The following LAMA2 variants were observed in gnomAD, a reference collection of about 807,000 sequenced individuals.
LAMA2 encodes laminin subunit alpha-2.
A neutral mutation model predicts 364.8 loss-of-function variants in LAMA2; 269 were observed. The ratio of observed to expected loss-of-function variants is 0.74; its 90% CI spans 0.67 to 0.82. The LOEUF (loss-of-function observed/expected upper bound fraction) is 0.82. LAMA2 is among the 40% of genes least tolerant of loss of function. The pLI is 0.00. For synonymous variants in LAMA2, 1,379 were observed against 1,370.6 expected (o/e 1.01, Z -0.14); for missense variants, 3,807 against 3,873.2 (o/e 0.98, Z 0.45).
intron 12 of LAMA2, among the ~76,000 whole-genome samples, chr6:129,213,564 G>A (rs1441173458): frequency 6.6e-6 from 1 of 152,108 alleles, no homozygotes; most frequent in Non-Finnish European, 1.5e-5. Context: ...TTAGACATCA[G>A]CTATTCTAAT....
chr6:129,199,804 T>C (rs1044741257), intron 12 of LAMA2, among the ~76,000 whole-genome samples: 1 of 151,820 alleles, frequency 6.6e-6, no homozygotes, highest in Non-Finnish European at 1.5e-5. Flanking sequence ...ATAGATGGGG[T>C]GCGATGGCTC....
At chr6:129,146,051 A>T (rs192737977) in intron 5 of LAMA2, among the ~76,000 whole-genome samples, 9 of 152,120 alleles carry the variant, frequency 5.9e-5, no homozygotes, top group Admixed American at 5.9e-4. Context: ...ATATGTATGT[A>T]ACAAAAACAA....
rs1032623933 is a variant in LAMA2, at chr6:129,274,610, G to A, written c.2450+3859G>A. On this transcript the variant is annotated intron_variant, in intron 17 of 64. Coordinates refer to ENST00000421865, the MANE Select transcript of LAMA2 (RefSeq NM_000426.4). ...TATGTAAGAAGATAGAGATAGATTG[G>A]TATAATTATTATGATGTATGAATAC... is the stretch of plus-strand genomic sequence containing the variant. Among the ~76,000 whole-genome samples, 8 of 151,894 alleles carry A rather than the reference G, an allele frequency of 5.3e-5. No homozygotes were observed. In the South Asian group the frequency reaches 1.5e-3, roughly 28 times the overall value.
chr6:129,487,522 A>G (rs899230525), intron 56 of LAMA2, among the ~76,000 whole-genome samples: 1 of 152,190 alleles, frequency 6.6e-6, no homozygotes. Flanking sequence ...TGAGGCCTCA[A>G]AACACAGAGG....
chr6:129,329,370 T>TC (rs1775489607), intron 29 of LAMA2, among the ~76,000 whole-genome samples: 1 of 152,028 alleles, frequency 6.6e-6, no homozygotes, highest in African/African-American at 2.4e-5. Context: ...CTTTTTGTTT[T>TC]TTTTTTCCCC....
chr6:129,404,081 C>T, intron 40 of LAMA2, 122 bp downstream of exon 40: 1 of 1,093,006 alleles, frequency 9.1e-7, no homozygotes, highest in South Asian at 1.4e-5. Flanking sequence ...TTTTGAAGAC[C>T]TCTTTTAAAA....
At chr6:128,891,707 CTGTT>C (rs1776461577) in intron 1 of LAMA2, among the ~76,000 whole-genome samples, 1 of 152,162 alleles carries the variant, frequency 6.6e-6, no homozygotes, top group South Asian at 2.1e-4. Flanking sequence ...TCAGTTGAGA[CTGTT>C]TGTGAAGGAA....
At chr6:129,092,103 C>G (rs1238326510) in intron 3 of LAMA2, among the ~76,000 whole-genome samples, 7 of 152,176 alleles carry the variant, frequency 4.6e-5, no homozygotes, top group Non-Finnish European at 7.3e-5. Context: ...CGGTGAGGTT[C>G]TAGACTTCTG....
intron 12 of LAMA2, among the ~76,000 whole-genome samples, chr6:129,221,118 A>T (rs265346): frequency 6.6e-6 from 1 of 150,398 alleles, no homozygotes; most frequent in Non-Finnish European, 1.5e-5. Context: ...AGCCAAGATC[A>T]CACCACTGCA....
intron 1 of LAMA2, among the ~76,000 whole-genome samples, chr6:128,951,804 AC>A (rs1453792752): frequency 6.6e-5 from 10 of 152,258 alleles, no homozygotes; most frequent in Middle Eastern, 3.4e-3. Context: ...AAACTTTTCT[AC>A]CCTTTTTATT....
intron 1 of LAMA2, among the ~76,000 whole-genome samples, chr6:128,978,998 G>A (rs1000140116): frequency 4.6e-5 from 7 of 152,120 alleles, no homozygotes; most frequent in Admixed American, 3.9e-4. Context: ...TTGAGGAAGG[G>A]ATCAGAGCAT....
intron 30 of LAMA2, among the ~76,000 whole-genome samples, chr6:129,344,901 T>C (rs1776460670): frequency 6.6e-6 from 1 of 152,194 alleles, no homozygotes; most frequent in African/African-American, 2.4e-5. Flanking sequence ...ACGTTGGCAC[T>C]GGCTTCGGAG....
intron 29 of LAMA2, among the ~76,000 whole-genome samples, chr6:129,342,069 A>T (rs1309812903): frequency 6.6e-6 from 1 of 152,252 alleles, no homozygotes; most frequent in Non-Finnish European, 1.5e-5. Context: ...AAAAATTTAC[A>T]TAGAGATTGA....
intron 11 of LAMA2, among the ~76,000 whole-genome samples, chr6:129,191,353 G>A (rs1781512383): frequency 6.6e-6 from 1 of 152,174 alleles, no homozygotes. Context: ...CTCATATTAT[G>A]AAATATTATC....
chr6:129,256,535 CAGA>C (rs932018812), intron 14 of LAMA2, among the ~76,000 whole-genome samples: 32 of 151,700 alleles, frequency 2.1e-4, no homozygotes, highest in East Asian at 1.4e-3. Context: ...ATAAATAGTG[CAGA>C]AGAAGTGTGC....
At chr6:129,397,003 A>C (rs1413861235) in intron 37 of LAMA2, among the ~76,000 whole-genome samples, 7 of 151,012 alleles carry the variant, frequency 4.6e-5, no homozygotes, top group Non-Finnish European at 7.4e-5. Context: ...AAAAAAAAAA[A>C]AGAAAAAGAA....
intron 12 of LAMA2, among the ~76,000 whole-genome samples, chr6:129,247,487 C>T (rs987149711): frequency 6.6e-6 from 1 of 152,092 alleles, no homozygotes; most frequent in Non-Finnish European, 1.5e-5. Flanking sequence ...TAAGTAAGTA[C>T]TTGACTAACT....
intron 12 of LAMA2, among the ~76,000 whole-genome samples, chr6:129,247,918 G>C (rs1785878356): frequency 6.6e-6 from 1 of 151,978 alleles, no homozygotes; most frequent in African/African-American, 2.4e-5. Flanking sequence ...GTATTTATTT[G>C]TTCCTCTTTT....
At chr6:129,120,293 T>C (rs921305546) in intron 4 of LAMA2, among the ~76,000 whole-genome samples, 2 of 152,194 alleles carry the variant, frequency 1.3e-5, no homozygotes, top group Admixed American at 6.5e-5. Flanking sequence ...GAAAAAAATT[T>C]ATAAAAATCC....
Sources: allele counts gnomAD v4.1 joint callset (sites outside exome capture counted in the v4.1 genomes callset), GRCh38; gene constraint gnomAD v4.1.1; transcripts MANE v1.5; gene names NCBI Gene and HGNC (gene_info 2026-07-23, HGNC 2026-07-21).